Variants in HCRTR2 observed in about 807,000 individuals in gnomAD.
The protein encoded by HCRTR2 is orexin receptor type 2.
A neutral mutation model predicts 49.0 loss-of-function variants in HCRTR2; 22 were observed. The ratio of observed to expected loss-of-function variants is 0.45; its 90% CI spans 0.32 to 0.64. The LOEUF (loss-of-function observed/expected upper bound fraction) is 0.64. HCRTR2 is among the 30% of genes least tolerant of loss of function. The probability of loss-of-function intolerance (pLI) is 0.04; values close to 1 mark genes in which losing one functional copy is unlikely to be tolerated. For missense variants in HCRTR2, 491 were observed against 559.4 expected (o/e 0.88, Z 1.23); for synonymous variants, 236 against 205.3 (o/e 1.15, Z -1.28).
intron 1 of HCRTR2, among the ~76,000 whole-genome samples, chr6:55,153,323 T>C (rs1764687261): frequency 6.6e-6 from 1 of 152,034 alleles, no homozygotes; most frequent in South Asian, 2.1e-4. Flanking sequence ...TACAGAAACC[T>C]AGATGGTATA....
chr6:55,220,767 T>C (rs550216437), intron 1 of HCRTR2, among the ~76,000 whole-genome samples: 116 of 152,264 alleles, frequency 7.6e-4, no homozygotes, highest in Non-Finnish European at 1.5e-3. Context: ...GAGGGAAAAT[T>C]ATCTCTATTC....
At chr6:55,241,096 T>C (rs970188485) in intron 1 of HCRTR2, among the ~76,000 whole-genome samples, 1 of 151,226 alleles carries the variant, frequency 6.6e-6, no homozygotes, top group African/African-American at 2.4e-5. Context: ...TAGCATTATG[T>C]ATATCTCCCA....
At chr6:55,154,340 G>C (rs1284811594) in intron 1 of HCRTR2, among the ~76,000 whole-genome samples, 1 of 151,736 alleles carries the variant, frequency 6.6e-6, no homozygotes, top group East Asian at 1.9e-4. Context: ...CTACAAATGT[G>C]GGAATTATCA....
chr6:55,234,893 G>A (rs1766185433), intron 1 of HCRTR2, among the ~76,000 whole-genome samples: 1 of 152,046 alleles, frequency 6.6e-6, no homozygotes, highest in African/African-American at 2.4e-5. Flanking sequence ...ACGTACATAA[G>A]AATGTTAGTA....
At chr6:55,126,843 C>T (rs1260029190) in intron 1 of HCRTR2, among the ~76,000 whole-genome samples, 1 of 152,184 alleles carries the variant, frequency 6.6e-6, no homozygotes, top group African/African-American at 2.4e-5. Flanking sequence ...GTTTGGTCTT[C>T]CTGGCTGCTT....
At chr6:55,241,113 T>C (rs1486495581) in intron 1 of HCRTR2, among the ~76,000 whole-genome samples, 34 of 141,142 alleles carry the variant, frequency 2.4e-4, no homozygotes, top group Non-Finnish European at 3.5e-4. Flanking sequence ...CCCAATGCTA[T>C]CCCTCCCCCT....
At chr6:55,200,234 CTTGTGT>C (rs1765487747) in intron 1 of HCRTR2, among the ~76,000 whole-genome samples, 1 of 98,868 alleles carries the variant, frequency 1.0e-5, no homozygotes, top group Non-Finnish European at 2.0e-5. Context: ...TGTTTGCTGT[CTTGTGT>C]GTGTGTGTGT....
At chr6:55,228,773 ATC>A (rs940227100) in intron 1 of HCRTR2, among the ~76,000 whole-genome samples, 17 of 152,196 alleles carry the variant, frequency 1.1e-4, no homozygotes, top group African/African-American at 4.1e-4. Context: ...AAAAATTTTA[ATC>A]TCTTTTTCTA....
At chr6:55,256,329 A>G (rs1173114509) in intron 3 of HCRTR2, among the ~76,000 whole-genome samples, 2 of 152,174 alleles carry the variant, frequency 1.3e-5, no homozygotes, top group African/African-American at 2.4e-5. Context: ...CAAGCAGTGC[A>G]CACCAGGGAC....
At chr6:55,142,857 G>GAA (rs59863570) in intron 1 of HCRTR2, among the ~76,000 whole-genome samples, 5 of 150,966 alleles carry the variant, frequency 3.3e-5, no homozygotes, top group Admixed American at 6.6e-5. Flanking sequence ...GTGGTCAACA[G>GAA]AAAAAAAAAT....
chr6:55,150,688 A>G (rs1764653263), intron 1 of HCRTR2, among the ~76,000 whole-genome samples: 1 of 152,008 alleles, frequency 6.6e-6, no homozygotes, highest in Non-Finnish European at 1.5e-5. Flanking sequence ...AAGGCTGAAT[A>G]ACATTCCATT....
chr6:55,224,453 T>A (rs1581840204), intron 1 of HCRTR2, among the ~76,000 whole-genome samples: 1 of 149,280 alleles, frequency 6.7e-6, no homozygotes. Context: ...CCATCTCCAC[T>A]AAAAAAAAAT....
downstream of HCRTR2, among the ~76,000 whole-genome samples, chr6:55,283,170 C>A (rs2127336326): frequency 6.6e-6 from 1 of 152,272 alleles, no homozygotes; most frequent in South Asian, 2.1e-4. Flanking sequence ...TCATTATATT[C>A]TTTTAACAAC....
chr6:55,265,708 T>C lies in HCRTR2; in HGVS notation c.762+1886T>C, dbSNP rs570032062. 3.2e-4 allele frequency among the ~76,000 whole-genome samples: 48 copies of C among 152,196 alleles called. 1 individual carries two copies. The highest frequency in any genetic ancestry group is 5.0e-4 in the Non-Finnish European group (34 of 67,990). ...GCTGGGGATGAATGATCTGGAATGATACACTATACAGAAGTCAAAAACACA... is the reference window on the plus strand; with the variant it reads ...GCTGGGGATGAATGATCTGGAATGACACACTATACAGAAGTCAAAAACACA... On this transcript the variant is annotated intron_variant, in intron 4 of 6. Coordinates refer to ENST00000370862, the MANE Select transcript of HCRTR2 (RefSeq NM_001384272.1).
intron 1 of HCRTR2, among the ~76,000 whole-genome samples, chr6:55,217,320 T>C (rs1562010480): frequency 6.6e-6 from 1 of 152,242 alleles, no homozygotes; most frequent in Non-Finnish European, 1.5e-5. Flanking sequence ...TTTTGCTGTT[T>C]ACATGGCTAA....
intron 1 of HCRTR2, among the ~76,000 whole-genome samples, chr6:55,106,977 C>A (rs1178077625): frequency 6.6e-6 from 1 of 152,112 alleles, no homozygotes; most frequent in East Asian, 1.9e-4. Context: ...GTCATGAAAG[C>A]ACCTTCTAGT....
intron 4 of HCRTR2, among the ~76,000 whole-genome samples, chr6:55,266,130 A>C (rs1440021377): frequency 6.6e-6 from 1 of 152,210 alleles, no homozygotes. Flanking sequence ...CATTAAACAA[A>C]ATATCTTAAT....
intron 1 of HCRTR2, among the ~76,000 whole-genome samples, chr6:55,187,344 C>T (rs753812345): frequency 5.3e-4 from 73 of 137,222 alleles, no homozygotes; most frequent in East Asian, 4.5e-4. Flanking sequence ...ACCCGGGAGA[C>T]GGAGGTTGCA....
chr6:55,118,686 C>T (rs12212444), intron 1 of HCRTR2, among the ~76,000 whole-genome samples: 3 of 151,776 alleles, frequency 2.0e-5, no homozygotes, highest in Non-Finnish European at 4.4e-5. Flanking sequence ...TGATTGTTGG[C>T]TGCATGTACG....
Sources: allele counts gnomAD v4.1 joint callset (sites outside exome capture counted in the v4.1 genomes callset), GRCh38; gene constraint gnomAD v4.1.1; transcripts MANE v1.5; gene names NCBI Gene and HGNC (gene_info 2026-07-23, HGNC 2026-07-21).